RPP14: variants seen among roughly 807,000 people sequenced by gnomAD.
RPP14 encodes ribonuclease P protein subunit p14.
RPP14 carries 19 observed loss-of-function variants against 17.8 expected under a neutral mutation model. The observed-to-expected ratio is 1.07, with a 90% CI of 0.74 to 1.57. RPP14 has a LOEUF of 1.57. Among genes scored for constraint, RPP14 ranks in the 40% most tolerant of loss-of-function variants. The pLI is 0.00. For synonymous variants in RPP14, 60 were observed against 56.4 expected (o/e 1.06, Z -0.29); for missense variants, 125 against 140.8 (o/e 0.89, Z 0.57).
chr3:58,317,824 GA>G lies in RPP14; in HGVS notation c.*329del. 1.4e-6 allele frequency: 1 copy of G among 703,018 alleles called. No homozygotes were observed. 43.5% of individuals were successfully genotyped at this position (703,018 alleles called of 1,614,324 possible). ...TGTCAATCCTTTGCATTTGAATGAA[GA>G]CTTTGCAAAACACACCAAGTTTGGA... On this transcript the variant is annotated 3_prime_UTR_variant, in exon 6 of 6. Transcript: ENST00000295959.
intron 3 of RPP14, among the ~76,000 whole-genome samples, chr3:58,314,323 C>T (rs1209373134): frequency 1.3e-5 from 2 of 151,994 alleles, no homozygotes; most frequent in African/African-American, 4.8e-5. Flanking sequence ...TGCACTCCAG[C>T]CAGGGTGACA....
intron 1 of RPP14, among the ~76,000 whole-genome samples, chr3:58,307,051 G>A (rs1290295768): frequency 6.6e-6 from 1 of 152,168 alleles, no homozygotes; most frequent in Non-Finnish European, 1.5e-5. Context: ...CTGCCTGGAG[G>A]AAGATCTTTC....
At chr3:58,312,001 T>C (rs2097482737) in intron 3 of RPP14, among the ~76,000 whole-genome samples, 1 of 151,956 alleles carries the variant, frequency 6.6e-6, no homozygotes, top group African/African-American at 2.4e-5. Flanking sequence ...GTATCCCGAG[T>C]AGCTGGGACC....
At chr3:58,315,112 C>CT (rs1473111253) in intron 3 of RPP14, among the ~76,000 whole-genome samples, 1 of 152,084 alleles carries the variant, frequency 6.6e-6, no homozygotes, top group African/African-American at 2.4e-5. Flanking sequence ...TTCATAGCAG[C>CT]TTTATTTTTA....
chr3:58,316,480 A>G, intron 3 of RPP14, 35 bp from the exon 4 acceptor site: 3 of 1,567,586 alleles, frequency 1.9e-6, no homozygotes, highest in Non-Finnish European at 2.6e-6. Context: ...AATAATGGTG[A>G]GAATAGCCTG....
chr3:58,307,323 T>G (rs1444865515), intron 1 of RPP14, among the ~76,000 whole-genome samples: 1 of 152,132 alleles, frequency 6.6e-6, no homozygotes, highest in Non-Finnish European at 1.5e-5. Context: ...GAGTAGATGT[T>G]AATAGACTCA....
intron 3 of RPP14, among the ~76,000 whole-genome samples, chr3:58,311,519 T>C (rs1467823860): frequency 1.3e-5 from 2 of 152,240 alleles, no homozygotes; most frequent in Non-Finnish European, 2.9e-5. Flanking sequence ...TGTGCCTGGC[T>C]GGCTTCACTT....
rs751757663 is a variant in RPP14 at position 58,314,675 on chromosome 3, A to ATTTTTTTTTT, written c.163-1824_163-1815dup. ...CCACTCTGGAACATAGTTTGGCAGT[A>ATTTTTTTTTT]TTTTTTTTTTTTTTTTTTTTTTTTT... On this transcript the variant is annotated intron_variant, in intron 3 of 5. Coordinates refer to ENST00000295959, the MANE Select transcript of RPP14 (RefSeq NM_007042.6). 7.4e-4 allele frequency among the ~76,000 whole-genome samples: 67 copies of ATTTTTTTTTT among 90,580 alleles called. 2 individuals carry two copies. The highest frequency in any genetic ancestry group is 3.6e-3 in the East Asian group (9 of 2,534). 59.4% of individuals were successfully genotyped at this position (90,580 alleles called of 152,430 possible). A position where few individuals can be genotyped will look rare whatever the true frequency, so the allele number is the denominator to read the frequency against.
chr3:58,312,519 A>T (rs1189180411), intron 3 of RPP14, among the ~76,000 whole-genome samples: 1 of 152,152 alleles, frequency 6.6e-6, no homozygotes, highest in Non-Finnish European at 1.5e-5. Flanking sequence ...GTTTATTCTA[A>T]TATGCCTTCT....
At position 58,317,882 on chromosome 3, in the gene RPP14, G is replaced by T. The variant is rs1489862141; in HGVS notation, c.*386G>T. 1 of 702,898 alleles carries T rather than the reference G, an allele frequency of 1.4e-6. No individual in the cohort carries two copies. The highest frequency in any genetic ancestry group is 1.7e-5 in the African/African-American group (1 of 57,244). The allele number at this position is 702,898 out of a possible 1,614,324, so 43.5% of individuals were successfully genotyped here. On this transcript the variant is annotated 3_prime_UTR_variant, in exon 6 of 6. Transcript: ENST00000295959. The stretch of plus-strand genomic sequence containing the variant: ...ATTGTACATGGAGTTTTGATCAACG[G>T]ACTTATCTCAGCTCTCCTAGGAACT...
At position 58,310,713 on chromosome 3, in the gene RPP14, T is replaced by C; in HGVS notation, c.162+122T>C. The C allele has an allele frequency of 4.1e-6, 3 of 734,232 alleles. No individual in the cohort carries two copies. In the East Asian group the frequency reaches 7.9e-5, roughly 19 times the overall value. The allele number at this position is 734,232 out of a possible 1,614,324, so 45.5% of individuals were successfully genotyped here. On this transcript the variant is annotated intron_variant, in intron 3 of 5. Transcript: ENST00000295959. ...TTTGGAGGCCGAGGTGGGCAGATCA[T>C]GAGGTCAAGAGATCGAGACCATCCT...
rs2097489616 is a variant in RPP14 at position 58,317,540 on chromosome 3, T to A, written c.*44T>A. ...TGGAAACGTTCATCCACTCTCATAT[T>A]TATTTTTTGGTGCCTGCATGTTTGA... On this transcript the variant is annotated 3_prime_UTR_variant, in exon 6 of 6. Transcript: ENST00000295959. 2 of 1,356,020 alleles carry A rather than the reference T, an allele frequency of 1.5e-6. No homozygotes were observed. The highest frequency in any genetic ancestry group is 2.4e-5 in the South Asian group (2 of 84,276). The allele number at this position is 1,356,020 out of a possible 1,614,324, so 84.0% of individuals were successfully genotyped here.
At chr3:58,316,840 T>G (rs2097488782) in intron 4 of RPP14, 75 bp from the exon 5 acceptor site, 4 of 1,278,604 alleles carry the variant, frequency 3.1e-6, no homozygotes, top group East Asian at 2.3e-5. Flanking sequence ...GAAGTGAATA[T>G]TTTAGAAACC....
intron 1 of RPP14, among the ~76,000 whole-genome samples, chr3:58,308,849 C>CGTCTT (rs148164312): frequency 0.069 from 10,544 of 152,178 alleles, 465 homozygotes; most frequent in South Asian, 0.087. Flanking sequence ...TCAGAGAAGA[C>CGTCTT]CTTCATGAAG....
chr3:58,310,628 T>G, intron 3 of RPP14, 37 bp downstream of exon 3: 2 of 1,554,802 alleles, frequency 1.3e-6, no homozygotes, highest in Non-Finnish European at 8.7e-7. Context: ...ATTCCAAAGA[T>G]CTTTGTAAGA....
Position 58,317,892 on chromosome 3 carries a change from A to T in RPP14, c.*396A>T, listed in dbSNP as rs1219269522. 2 of 702,986 alleles carry T rather than the reference A, an allele frequency of 2.8e-6. No individual in the cohort carries two copies. Among genetic ancestry groups the T allele is most frequent in the Middle Eastern group, 2.3e-4 (1 of 4,370 alleles). 43.5% of individuals were successfully genotyped at this position (702,986 alleles called of 1,614,324 possible). A position where few individuals can be genotyped will look rare whatever the true frequency, so the allele number is the denominator to read the frequency against. On this transcript the variant is annotated 3_prime_UTR_variant, in exon 6 of 6. Coordinates refer to ENST00000295959, the MANE Select transcript of RPP14 (RefSeq NM_007042.6). ...GAGTTTTGATCAACGGACTTATCTCAGCTCTCCTAGGAACTAAAATGCCAG... is the reference window on the plus strand; with the variant it reads ...GAGTTTTGATCAACGGACTTATCTCTGCTCTCCTAGGAACTAAAATGCCAG...
In RPP14 at chr3:58,317,438, A is replaced by G; in HGVS notation, c.319-2A>G. The G allele has an allele frequency of 6.3e-7, 1 of 1,589,466 alleles. No homozygotes were observed. The highest frequency in any genetic ancestry group is 8.6e-7 in the Non-Finnish European group (1 of 1,159,010). On this transcript the variant is annotated splice_acceptor_variant, in intron 5 of 5. Coordinates refer to ENST00000295959, the MANE Select transcript of RPP14 (RefSeq NM_007042.6). LOFTEE classifies it high-confidence loss of function. Reference sequence around the variant, plus strand: ...GCCTTAACCTTTTTCTTTCTCTTCTAGGTTTCTCCATTTCTTCTTGCATTA... The same window carrying G: ...GCCTTAACCTTTTTCTTTCTCTTCTGGGTTTCTCCATTTCTTCTTGCATTA...
At chr3:58,311,674 T>A (rs2097482381) in intron 3 of RPP14, among the ~76,000 whole-genome samples, 1 of 126,022 alleles carries the variant, frequency 7.9e-6, no homozygotes, top group African/African-American at 2.8e-5. Context: ...ATTTTGCCTA[T>A]TGGGAATACA....
chr3:58,307,627 G>A (rs568864064), intron 1 of RPP14: 1 of 152,312 alleles, frequency 6.6e-6, no homozygotes. Context: ...TCAGGAGACT[G>A]AGGAGCGAGA....
Sources: allele counts gnomAD v4.1 joint callset (sites outside exome capture counted in the v4.1 genomes callset), GRCh38; gene constraint gnomAD v4.1.1; transcripts MANE v1.5; gene names NCBI Gene and HGNC (gene_info 2026-07-23, HGNC 2026-07-21).